Variants in ADAM18 observed in about 807,000 individuals in gnomAD.
The protein encoded by ADAM18 is ADAM metallopeptidase domain 18, also known as disintegrin and metalloproteinase domain-containing protein 18.
In ADAM18, 117 loss-of-function variants were observed where a neutral mutation model predicts 94.4. The observed-to-expected ratio is 1.24, with a 90% confidence interval of 1.07 to 1.45. The LOEUF (loss-of-function observed/expected upper bound fraction) is 1.45, where lower values mean the gene tolerates loss of function less well. ADAM18 is among the 40% of genes most tolerant of loss of function. The pLI is 0.00. For missense variants in ADAM18, 936 were observed against 880.0 expected (o/e 1.06, Z -0.81); for synonymous variants, 327 against 291.6 (o/e 1.12, Z -1.24).
At chr8:39,717,801 C>G (rs548240683) in intron 18 of ADAM18, among the ~76,000 whole-genome samples, 12 of 151,406 alleles carry the variant, frequency 7.9e-5, no homozygotes, top group African/African-American at 2.2e-4. Flanking sequence ...TATTTGCAAA[C>G]CATGTATCTG....
chr8:39,668,031 A>G lies in ADAM18; in HGVS notation c.1360A>G (p.Ile454Val), dbSNP rs1310586439. Reference protein sequence around the residue: ...SIAGTPCRKSIDPECDFTEYC... With the variant: ...SIAGTPCRKSVDPECDFTEYC... The stretch of plus-strand genomic sequence containing the variant: ...AGCAGGCACTCCATGTAGAAAGAGT[A>G]TTGATCCAGAGTGTGATTTTACAGA... The change falls in exon 14 of 20, where the codon ATT becomes GTT. Residue 454 changes from isoleucine (I) to valine (V), a missense_variant. Physicochemically the swap from Ile to Val is conservative, Grantham distance 29 (BLOSUM62 3). Transcript: ENST00000265707. 6 of 1,614,102 alleles carry G rather than the reference A, an allele frequency of 3.7e-6. No homozygotes were observed. The highest frequency in any genetic ancestry group is 5.1e-6 in the Non-Finnish European group (6 of 1,179,976).
At chr8:39,624,735 C>T (rs186999035) in intron 6 of ADAM18, among the ~76,000 whole-genome samples, 2 of 152,150 alleles carry the variant, frequency 1.3e-5, no homozygotes, top group African/African-American at 4.8e-5. Context: ...ACACCATCCT[C>T]CTAGTGCTGT....
chr8:39,627,794 A>G (rs1452066364), intron 6 of ADAM18, among the ~76,000 whole-genome samples: 1 of 152,008 alleles, frequency 6.6e-6, no homozygotes, highest in East Asian at 1.9e-4. Flanking sequence ...TCATTGTGTT[A>G]CTGTTTTATA....
In ADAM18 at chr8:39,725,691, T is replaced by G. The variant is rs144430154; in HGVS notation, c.2177+1784T>G. Among the ~76,000 whole-genome samples, 133 of 152,310 alleles carry G rather than the reference T, an allele frequency of 8.7e-4. No homozygotes were observed. The East Asian group carries it at 0.025, about 28-fold the overall frequency. ...ATAACAAATAAGAGAATTTTCTTCATTGTTAAGGATGAGTAATCTTCCATT... is the reference window on the plus strand; with the variant it reads ...ATAACAAATAAGAGAATTTTCTTCAGTGTTAAGGATGAGTAATCTTCCATT... On this transcript the variant is annotated intron_variant, in intron 19 of 19. Coordinates refer to ENST00000265707, the MANE Select transcript of ADAM18 (RefSeq NM_014237.3).
At chr8:39,606,636 A>T (rs1357711921) in intron 3 of ADAM18, among the ~76,000 whole-genome samples, 2 of 152,206 alleles carry the variant, frequency 1.3e-5, no homozygotes, top group Non-Finnish European at 2.9e-5. Flanking sequence ...ACCCAAGAAC[A>T]GCAAGTTATA....
At chr8:39,613,922 A>T (rs2129578598) in intron 6 of ADAM18, among the ~76,000 whole-genome samples, 1 of 152,334 alleles carries the variant, frequency 6.6e-6, no homozygotes, top group African/African-American at 2.4e-5. Flanking sequence ...AGTCAGACAA[A>T]AATAAAGAAA....
chr8:39,696,051 G>A (rs1000428114), intron 17 of ADAM18, among the ~76,000 whole-genome samples: 9 of 151,106 alleles, frequency 6.0e-5, no homozygotes, highest in African/African-American at 1.9e-4. Flanking sequence ...TCTACATCCT[G>A]CCCAATATTT....
rs577122733 is a variant in ADAM18 at position 39,709,810 on chromosome 8, T to C, written c.2017+2906T>C. Reference sequence around the variant, plus strand: ...AACAATAAAAGGAAAAATAAGTTGCTACATAATATCAATTTTTGTGAATAA... The same window carrying C: ...AACAATAAAAGGAAAAATAAGTTGCCACATAATATCAATTTTTGTGAATAA... On this transcript the variant is annotated intron_variant, in intron 18 of 19. Transcript: ENST00000265707. 7.9e-5 allele frequency among the ~76,000 whole-genome samples: 12 copies of C among 152,362 alleles called. No homozygotes were observed. The East Asian group carries it at 9.6e-4, about 12-fold the overall frequency.
rs1356204123 is a variant in ADAM18, at chr8:39,706,832, A to G, written c.1945A>G (p.Arg649Gly). 2 of 1,610,740 alleles carry G rather than the reference A, an allele frequency of 1.2e-6. No individual in the cohort carries two copies. The highest frequency in any genetic ancestry group is 2.2e-5 in the South Asian group (2 of 90,776). ...FGNCQCFPGH[R>G]PPDCKFQFGS... ...TAATTGTCAATGCTTCCCTGGACATAGACCTCCAGATTGTAAATTCCAGTT... is the reference window on the plus strand; with the variant it reads ...TAATTGTCAATGCTTCCCTGGACATGGACCTCCAGATTGTAAATTCCAGTT... The change falls in exon 18 of 20, where the codon AGA (arginine) becomes GGA (glycine). Residue 649 changes from arginine (R) to glycine (G), a missense_variant. Arg to Gly is a moderately radical substitution (Grantham distance 125, BLOSUM62 -2). Coordinates refer to ENST00000265707, the MANE Select transcript of ADAM18 (RefSeq NM_014237.3).
intron 18 of ADAM18, among the ~76,000 whole-genome samples, chr8:39,721,573 A>G (rs932915161): frequency 4.0e-5 from 6 of 151,706 alleles, no homozygotes; most frequent in African/African-American, 1.4e-4. Context: ...GAAAAAATAT[A>G]AACAACCCCA....
intron 14 of ADAM18, among the ~76,000 whole-genome samples, chr8:39,673,296 C>T (rs989828576): frequency 6.6e-6 from 1 of 151,940 alleles, no homozygotes; most frequent in African/African-American, 2.4e-5. Context: ...AAGTGTAACC[C>T]CTGATTTGGC....
intron 6 of ADAM18, chr8:39,611,559 A>G (rs1819272624): frequency 1.0e-6 from 1 of 985,324 alleles, no homozygotes; most frequent in South Asian, 4.7e-5. Flanking sequence ...GATAAATAAA[A>G]AAAGCATTCT....
At chr8:39,609,699 C>T in intron 5 of ADAM18, 138 bp downstream of exon 5, 1 of 571,136 alleles carries the variant, frequency 1.8e-6, no homozygotes, top group Non-Finnish European at 3.0e-6. Context: ...CAGCTTTATT[C>T]TATTTGTATT....
Position 39,648,376 on chromosome 8 carries a change from G to T in ADAM18, c.1079G>T (p.Cys360Phe), listed in dbSNP as rs1184702737. ...AGTGGTAGAAAGATTTTTAGCAACT[G>T]CAGCATGCACGACTATAGATATTTT... ...SASGRKIFSN[C>F]SMHDYRYFVS... The change falls in exon 12 of 20, where the codon TGC becomes TTC. Residue 360 changes from cysteine (C) to phenylalanine (F), a missense_variant. Transcript: ENST00000265707. The T allele has an allele frequency of 6.2e-6, 10 of 1,604,248 alleles. No individual in the cohort carries two copies. The Admixed American group carries it at 6.9e-5, about 11-fold the overall frequency.
At chr8:39,607,705 A>G (rs531399568) in intron 3 of ADAM18, among the ~76,000 whole-genome samples, 5 of 151,082 alleles carry the variant, frequency 3.3e-5, no homozygotes, top group Non-Finnish European at 7.4e-5. Flanking sequence ...TGGGTACTTC[A>G]GTGCTCTCTC....
Position 39,719,677 on chromosome 8 carries a change from A to T in ADAM18, c.2018-4071A>T, listed in dbSNP as rs1330251248. On this transcript the variant is annotated intron_variant, in intron 18 of 19. Transcript: ENST00000265707. ...CACATGTAAAGACGCCCAACAACAT[A>T]GGTCATTGGAGAAATGCAAATTAAA... 2.0e-5 allele frequency among the ~76,000 whole-genome samples: 3 copies of T among 151,538 alleles called. No homozygotes were observed. The Admixed American group carries it at 2.0e-4, about 10-fold the overall frequency.
intron 18 of ADAM18, among the ~76,000 whole-genome samples, chr8:39,719,282 T>G (rs1822677068): frequency 6.6e-6 from 1 of 151,466 alleles, no homozygotes. Context: ...TATATATTTA[T>G]ATGTAAAAAA....
At chr8:39,612,143 AG>A (rs1490324089) in intron 6 of ADAM18, among the ~76,000 whole-genome samples, 16 of 151,748 alleles carry the variant, frequency 1.1e-4, no homozygotes, top group Non-Finnish European at 1.9e-4. Context: ...AAAAAAAAAA[AG>A]GGAGGGAGGA....
At chr8:39,727,834 A>G (rs1292107420) in intron 19 of ADAM18, among the ~76,000 whole-genome samples, 1 of 152,114 alleles carries the variant, frequency 6.6e-6, no homozygotes, top group East Asian at 1.9e-4. Context: ...GCAATGCCCC[A>G]CTGCTAGTAC....
Sources: allele counts gnomAD v4.1 joint callset (sites outside exome capture counted in the v4.1 genomes callset), GRCh38; gene constraint gnomAD v4.1.1; transcripts MANE v1.5; gene names NCBI Gene and HGNC (gene_info 2026-07-23, HGNC 2026-07-21).